BLTP1: variants seen among roughly 807,000 people sequenced by gnomAD.
BLTP1 encodes bridge-like lipid transfer protein family member 1.
the BLTP1 span, chr4:122,169,503 A>G: frequency 4.9e-6 from 2 of 407,084 alleles, no homozygotes; most frequent in African/African-American, 2.2e-5. Flanking sequence ...TTTCTGGTTT[A>G]TTATGAGATA....
the BLTP1 span, among the ~76,000 whole-genome samples, chr4:122,171,392 A>G: frequency 6.6e-6 from 1 of 152,030 alleles, no homozygotes. Flanking sequence ...TTCATGGGAG[A>G]ATGGTATTTG....
At chr4:122,199,513 T>A in the BLTP1 span, 1 of 1,389,934 alleles carries the variant, frequency 7.2e-7, no homozygotes, top group Non-Finnish European at 1.0e-6. Flanking sequence ...TTAATTTTCT[T>A]ATATTAAGTT....
At chr4:122,347,594 C>T in the BLTP1 span, 1 of 1,613,828 alleles carries the variant, frequency 6.2e-7, no homozygotes, top group Non-Finnish European at 8.5e-7. Flanking sequence ...TCAAGAAAAG[C>T]TTACTGCAAG....
the BLTP1 span, chr4:122,355,922 C>T: frequency 6.2e-7 from 1 of 1,611,902 alleles, no homozygotes; most frequent in African/African-American, 1.3e-5. Flanking sequence ...ACTATCTTTG[C>T]ATTACCAAGG....
the BLTP1 span, chr4:122,305,307 T>G: frequency 1.0e-6 from 1 of 973,072 alleles, no homozygotes; most frequent in African/African-American, 1.8e-5. Flanking sequence ...CTTAAAATGT[T>G]AAGTGTATAC....
the BLTP1 span, chr4:122,356,090 A>C: frequency 1.2e-6 from 1 of 838,652 alleles, no homozygotes; most frequent in Non-Finnish European, 1.8e-6. Context: ...ATATCTAATG[A>C]AATTAATTTT....
the BLTP1 span, chr4:122,247,123 A>G: frequency 2.5e-6 from 4 of 1,582,586 alleles, no homozygotes; most frequent in African/African-American, 5.4e-5. Context: ...TATTATTTAA[A>G]TGTTAAACAT....
chr4:122,230,464 G>A, the BLTP1 span, among the ~76,000 whole-genome samples: 1 of 152,120 alleles, frequency 6.6e-6, no homozygotes, highest in Non-Finnish European at 1.5e-5. Context: ...TACCATGTAT[G>A]CCAACAGTGA....
chr4:122,163,241 G>A, the BLTP1 span, among the ~76,000 whole-genome samples: 1 of 152,188 alleles, frequency 6.6e-6, no homozygotes, highest in Non-Finnish European at 1.5e-5. Context: ...AGGGATAGAA[G>A]TGAATAAAGG....
chr4:122,269,791 T>C, the BLTP1 span: 2 of 516,286 alleles, frequency 3.9e-6, no homozygotes, highest in Non-Finnish European at 5.0e-6. Flanking sequence ...TCCTCATACA[T>C]GATAGTTTCT....
At chr4:122,184,410 G>A in the BLTP1 span, among the ~76,000 whole-genome samples, 1 of 152,090 alleles carries the variant, frequency 6.6e-6, no homozygotes, top group Non-Finnish European at 1.5e-5. Context: ...AGGCTGAGGC[G>A]GGCAGATCAC....
At chr4:122,339,907 A>C in the BLTP1 span, among the ~76,000 whole-genome samples, 4 of 152,196 alleles carry the variant, frequency 2.6e-5, no homozygotes, top group Non-Finnish European at 5.9e-5. Context: ...TATGTGTTTC[A>C]TAAAGGTTTT....
the BLTP1 span, chr4:122,273,412 AATAC>A: frequency 4.0e-4 from 395 of 985,064 alleles, 3 homozygotes; most frequent in African/African-American, 6.7e-3. Flanking sequence ...GAAAAATACA[AATAC>A]ATCAGCCTTC....
the BLTP1 span, chr4:122,228,957 T>C: frequency 8.5e-6 from 2 of 236,382 alleles, no homozygotes; most frequent in Non-Finnish European, 1.4e-5. Flanking sequence ...GATAACACTT[T>C]AACTGCTGAT....
chr4:122,214,136 G>A, the BLTP1 span: 3 of 766,008 alleles, frequency 3.9e-6, no homozygotes, highest in African/African-American at 5.7e-5. Context: ...GATTGTATTA[G>A]CTGTCATCTT....
chr4:122,236,629 A>G, the BLTP1 span, among the ~76,000 whole-genome samples: 3 of 152,226 alleles, frequency 2.0e-5, no homozygotes, highest in South Asian at 2.1e-4. Flanking sequence ...ATGTTCTACA[A>G]CTGGTGCTAA....
At chr4:122,251,341 A>C in the BLTP1 span, 1 of 981,320 alleles carries the variant, frequency 1.0e-6, no homozygotes, top group Non-Finnish European at 1.2e-6. Context: ...GGAGAGGAAA[A>C]AGTTCCAAAG....
At chr4:122,173,225 T>C in the BLTP1 span, 1 of 1,471,690 alleles carries the variant, frequency 6.8e-7, no homozygotes, top group South Asian at 1.2e-5. Context: ...TTTTTGTTGC[T>C]ATAACTGAAT....
the BLTP1 span, among the ~76,000 whole-genome samples, chr4:122,253,010 T>A: frequency 2.0e-5 from 3 of 152,200 alleles, no homozygotes; most frequent in Admixed American, 1.3e-4. Flanking sequence ...CTCTGTCTGG[T>A]AATCCAGAGA....
Sources: gnomAD v4.1 joint callset for allele counts (sites outside exome capture counted in the v4.1 genomes callset) on GRCh38, gnomAD v4.1.1 for gene constraint, MANE v1.5 for transcripts, NCBI Gene and HGNC (gene_info 2026-07-23, HGNC 2026-07-21) for gene names.